RARB: variants seen among roughly 807,000 people sequenced by gnomAD.
RARB encodes the protein retinoic acid receptor beta, also known as HBV-activated protein.
In RARB, 17 loss-of-function variants were observed where a neutral mutation model predicts 51.9. The ratio of observed to expected loss-of-function variants is 0.33; its 90% CI spans 0.22 to 0.49. The LOEUF is 0.49. Among genes scored for constraint, RARB ranks in the 20% least tolerant of loss-of-function variants. The pLI, the probability that RARB is intolerant of heterozygous loss-of-function variation, is 0.99. For missense variants in RARB, 369 were observed against 550.8 expected, an observed-to-expected ratio of 0.67 and a Z score of 3.30; for synonymous variants, 215 against 195.4, an observed-to-expected ratio of 1.10 and a Z score of -0.84.
At chr3:24,884,963 T>C (rs10510550) in intron 2 of RARB, among the ~76,000 whole-genome samples, 8,982 of 152,206 alleles carry the variant, frequency 0.059, 415 homozygotes, top group East Asian at 0.15. Context: ...AACAACTGCG[T>C]ATTCAAAAAA....
chr3:24,963,744 A>C (rs1251393988), intron 2 of RARB, among the ~76,000 whole-genome samples: 1 of 152,034 alleles, frequency 6.6e-6, no homozygotes, highest in Non-Finnish European at 1.5e-5. Flanking sequence ...TTTCAGTCAC[A>C]GGAATGCACC....
intron 3 of RARB, among the ~76,000 whole-genome samples, chr3:25,118,261 T>C (rs899300742): frequency 3.3e-5 from 5 of 152,236 alleles, no homozygotes; most frequent in African/African-American, 1.2e-4. Context: ...TCTACCAAGA[T>C]AAAATTAATG....
chr3:25,249,505 T>C (rs914010847), intron 5 of RARB, among the ~76,000 whole-genome samples: 2 of 152,140 alleles, frequency 1.3e-5, no homozygotes, highest in African/African-American at 2.4e-5. Flanking sequence ...TCCCTGCTTT[T>C]TTTGTTTCTT....
At chr3:24,895,555 C>CA (rs1703460192) in intron 2 of RARB, among the ~76,000 whole-genome samples, 1 of 147,958 alleles carries the variant, frequency 6.8e-6, no homozygotes, top group African/African-American at 2.6e-5. Context: ...GCAAAATTTA[C>CA]GCTTTTTTTT....
chr3:25,273,285 C>G (rs978832802), intron 5 of RARB, among the ~76,000 whole-genome samples: 12 of 152,170 alleles, frequency 7.9e-5, no homozygotes, highest in African/African-American at 2.7e-4. Context: ...GAAGCTCATG[C>G]TTTCTTTTAC....
intron 5 of RARB, among the ~76,000 whole-genome samples, chr3:25,209,240 A>G (rs2125376874): frequency 6.6e-6 from 1 of 152,278 alleles, no homozygotes; most frequent in East Asian, 1.9e-4. Flanking sequence ...CATGCAGAAG[A>G]TCCCTGGGAC....
intron 3 of RARB, among the ~76,000 whole-genome samples, chr3:25,096,328 A>T (rs1699291725): frequency 6.6e-6 from 1 of 152,128 alleles, no homozygotes; most frequent in Non-Finnish European, 1.5e-5. Flanking sequence ...ATGGTGCCTC[A>T]AGAGGGGAGA....
intron 2 of RARB, among the ~76,000 whole-genome samples, chr3:24,930,278 T>C (rs1695411034): frequency 6.6e-6 from 1 of 152,082 alleles, no homozygotes; most frequent in African/African-American, 2.4e-5. Flanking sequence ...TATTCTTTTA[T>C]GATTCTGAAT....
chr3:24,919,046 T>C (rs1559396056), intron 2 of RARB, among the ~76,000 whole-genome samples: 1 of 152,184 alleles, frequency 6.6e-6, no homozygotes, highest in Non-Finnish European at 1.5e-5. Context: ...AGTGATTTAT[T>C]TTACTCCTCT....
intron 1 of RARB, among the ~76,000 whole-genome samples, chr3:25,459,329 A>G (rs1288329618): frequency 6.6e-6 from 1 of 152,228 alleles, no homozygotes; most frequent in Non-Finnish European, 1.5e-5. Context: ...AGCTTGGCCT[A>G]TTCAGAAGAC....
intron 2 of RARB, among the ~76,000 whole-genome samples, chr3:24,956,474 A>AT (rs1696016896): frequency 1.3e-5 from 2 of 152,216 alleles, no homozygotes; most frequent in South Asian, 2.1e-4. Flanking sequence ...GCTGGGGCTG[A>AT]TTTTTTATAC....
intron 2 of RARB, among the ~76,000 whole-genome samples, chr3:25,015,726 T>G (rs749536049): frequency 1.3e-5 from 2 of 152,190 alleles, no homozygotes; most frequent in Non-Finnish European, 2.9e-5. Context: ...TTTCTGTTTT[T>G]GGTCAGACAG....
chr3:24,959,445 G>A (rs1367975454), intron 2 of RARB, among the ~76,000 whole-genome samples: 1 of 152,208 alleles, frequency 6.6e-6, no homozygotes, highest in Admixed American at 6.5e-5. Context: ...TTCAGCTGCT[G>A]CTTCTCTTCT....
intron 2 of RARB, among the ~76,000 whole-genome samples, chr3:25,027,153 C>G (rs1411901754): frequency 6.6e-6 from 1 of 152,028 alleles, no homozygotes; most frequent in Non-Finnish European, 1.5e-5. Flanking sequence ...TACTCAGAAA[C>G]TATAAAGAGA....
At chr3:24,903,912 C>T (rs1355295242) in intron 2 of RARB, among the ~76,000 whole-genome samples, 1 of 152,028 alleles carries the variant, frequency 6.6e-6, no homozygotes, top group East Asian at 1.9e-4. Flanking sequence ...ATCTAGATAC[C>T]TAAGTCACAA....
intron 2 of RARB, among the ~76,000 whole-genome samples, chr3:24,905,499 A>G (rs568930297): frequency 3.3e-5 from 5 of 152,286 alleles, no homozygotes; most frequent in African/African-American, 1.2e-4. Context: ...CTCTCTACGG[A>G]TGTCCACATG....
At chr3:25,503,531 G>T (rs1185725174) in intron 3 of RARB, among the ~76,000 whole-genome samples, 3 of 152,114 alleles carry the variant, frequency 2.0e-5, no homozygotes, top group Non-Finnish European at 2.9e-5. Flanking sequence ...AAAAAATAAT[G>T]TTTACACCCA....
At chr3:25,073,682 G>T (rs1007578730) in intron 3 of RARB, among the ~76,000 whole-genome samples, 2 of 152,300 alleles carry the variant, frequency 1.3e-5, no homozygotes, top group East Asian at 1.9e-4. Context: ...TAATGTGCGT[G>T]TAATTCCTGT....
chr3:25,057,322 T>A (rs762529888), intron 2 of RARB, among the ~76,000 whole-genome samples: 15 of 152,060 alleles, frequency 9.9e-5, no homozygotes, highest in Non-Finnish European at 1.9e-4. Flanking sequence ...ATTAAGGGAC[T>A]TGTGATTATC....
Sources: allele counts gnomAD v4.1 joint callset (sites outside exome capture counted in the v4.1 genomes callset), GRCh38; gene constraint gnomAD v4.1.1; transcripts MANE v1.5; gene names NCBI Gene and HGNC (gene_info 2026-07-23, HGNC 2026-07-21).